R3HDM2: variants seen among roughly 807,000 people sequenced by gnomAD.
R3HDM2 encodes the protein R3H domain containing 2, also known as R3H domain-containing protein 2.
In R3HDM2, 38 loss-of-function variants were observed where a neutral mutation model predicts 124.5. The ratio of observed to expected loss-of-function variants is 0.31; its 90% CI spans 0.24 to 0.40. R3HDM2 has a LOEUF of 0.40. R3HDM2 is among the 10% of genes least tolerant of loss of function. The pLI is 1.00. For synonymous variants in R3HDM2, 391 were observed against 448.0 expected, an observed-to-expected ratio of 0.87 and a Z score of 1.61; for missense variants, 869 against 1,236.9, an observed-to-expected ratio of 0.70 and a Z score of 4.46.
chr12:57,254,251 A>T lies in R3HDM2; in HGVS notation c.*522T>A, dbSNP rs1360901033. ...CACAGTGGCTCACGCCTGTAATCCC[A>T]GCACTCTGGAAGGCCAAGGCAGGTG... On this transcript the variant is annotated 3_prime_UTR_variant, in exon 24 of 24. Coordinates refer to ENST00000402412, the MANE Select transcript of R3HDM2 (RefSeq NM_001394031.1). 2.2e-6 allele frequency: 1 copy of T among 454,464 alleles called. No individual in the cohort carries two copies. The highest frequency in any genetic ancestry group is 1.6e-5 in the South Asian group (1 of 64,334). 28.2% of individuals were successfully genotyped at this position (454,464 alleles called of 1,614,324 possible).
chr12:57,286,088 C>T (rs1422684896), intron 12 of R3HDM2, among the ~76,000 whole-genome samples: 1 of 152,186 alleles, frequency 6.6e-6, no homozygotes, highest in Non-Finnish European at 1.5e-5. Context: ...GGGAATGCTA[C>T]CCAGATTCAA....
intron 1 of R3HDM2, among the ~76,000 whole-genome samples, chr12:57,426,722 A>G (rs368324192): frequency 2.0e-5 from 3 of 152,196 alleles, no homozygotes; most frequent in Admixed American, 6.6e-5. Flanking sequence ...CTGCCCTCAG[A>G]GTATTTTCAT....
chr12:57,338,281 C>T (rs191282665), intron 2 of R3HDM2, among the ~76,000 whole-genome samples: 12 of 152,204 alleles, frequency 7.9e-5, no homozygotes, highest in Admixed American at 7.9e-4. Flanking sequence ...CCAGTCTGGG[C>T]AACAAGAGCA....
chr12:57,322,350 C>G (rs757969719), intron 2 of R3HDM2, among the ~76,000 whole-genome samples: 2 of 152,194 alleles, frequency 1.3e-5, no homozygotes, highest in Non-Finnish European at 2.9e-5. Flanking sequence ...CAAACATCCA[C>G]AGGGGTTAAG....
At chr12:57,313,963 C>A (rs575169261) in intron 2 of R3HDM2, among the ~76,000 whole-genome samples, 2 of 143,534 alleles carry the variant, frequency 1.4e-5, no homozygotes, top group Non-Finnish European at 3.0e-5. Flanking sequence ...CTGAGGTGGG[C>A]GGATCACCTG....
chr12:57,289,297 T>A (rs1555228571), intron 11 of R3HDM2, among the ~76,000 whole-genome samples: 1 of 151,864 alleles, frequency 6.6e-6, no homozygotes, highest in Non-Finnish European at 1.5e-5. Context: ...AAGGCAGGAG[T>A]GTGAAAAGGA....
At chr12:57,340,489 TC>T in intron 2 of R3HDM2, among the ~76,000 whole-genome samples, 1 of 152,312 alleles carries the variant, frequency 6.6e-6, no homozygotes, top group South Asian at 2.1e-4. Flanking sequence ...AGGATTATCT[TC>T]CTTTTTCTCC....
At chr12:57,332,644 C>A (rs189013646) in intron 2 of R3HDM2, among the ~76,000 whole-genome samples, 3 of 152,126 alleles carry the variant, frequency 2.0e-5, no homozygotes, top group African/African-American at 7.2e-5. Context: ...ACTGTGTGAA[C>A]TGAGATTCAA....
intron 1 of R3HDM2, among the ~76,000 whole-genome samples, chr12:57,430,168 T>C (rs538487799): frequency 6.6e-6 from 1 of 152,182 alleles, no homozygotes; most frequent in African/African-American, 2.4e-5. Context: ...GCCACAAATG[T>C]TGAAAAATGT....
chr12:57,307,625 T>TC (rs1252898092), intron 3 of R3HDM2, among the ~76,000 whole-genome samples: 1 of 132,454 alleles, frequency 7.5e-6, no homozygotes, highest in Non-Finnish European at 1.6e-5. Flanking sequence ...CCAGCCATGC[T>TC]CTTTTTTTTT....
intron 14 of R3HDM2, 27 bp from the exon 15 acceptor site, chr12:57,270,021 T>C (rs776854624): frequency 3.7e-6 from 6 of 1,612,610 alleles, no homozygotes; most frequent in Non-Finnish European, 5.1e-6. Context: ...AGACACAGGA[T>C]TGGGGCTGTA....
intron 2 of R3HDM2, among the ~76,000 whole-genome samples, chr12:57,340,380 G>A (rs758718793): frequency 6.6e-6 from 1 of 152,196 alleles, no homozygotes; most frequent in Non-Finnish European, 1.5e-5. Context: ...GCAATATCAA[G>A]ATGCAAGGAT....
intron 11 of R3HDM2, 134 bp downstream of exon 11, chr12:57,292,438 G>T: frequency 1.6e-6 from 1 of 617,696 alleles, no homozygotes. Context: ...ATCAAATCTA[G>T]GGTTGGCTGA....
chr12:57,410,902 G>A (rs752589727), intron 1 of R3HDM2, among the ~76,000 whole-genome samples: 1 of 152,090 alleles, frequency 6.6e-6, no homozygotes, highest in Non-Finnish European at 1.5e-5. Context: ...TGGAGAGACA[G>A]TAGGGAAAAA....
intron 2 of R3HDM2, among the ~76,000 whole-genome samples, chr12:57,390,271 A>C (rs2066465770): frequency 1.3e-5 from 2 of 152,150 alleles, no homozygotes; most frequent in Admixed American, 1.3e-4. Flanking sequence ...ATTCCTTGGG[A>C]GATGGGAAAC....
chr12:57,279,906 A>G (rs1319983069), intron 14 of R3HDM2, among the ~76,000 whole-genome samples: 3 of 152,154 alleles, frequency 2.0e-5, no homozygotes, highest in Middle Eastern at 3.4e-3. Flanking sequence ...AGGGGTCTTG[A>G]GTGTTATTTC....
intron 10 of R3HDM2, among the ~76,000 whole-genome samples, chr12:57,293,919 T>C (rs192171938): frequency 6.6e-6 from 1 of 152,344 alleles, no homozygotes; most frequent in Admixed American, 6.5e-5. Flanking sequence ...CAAGGAGCTA[T>C]ATTGTCCTCA....
At chr12:57,345,498 TATACACACAC>T (rs1566268709) in intron 2 of R3HDM2, among the ~76,000 whole-genome samples, 3 of 90,546 alleles carry the variant, frequency 3.3e-5, no homozygotes, top group Non-Finnish European at 6.3e-5. Context: ...ATATTTCTTT[TATACACACAC>T]ACACACACAC....
At chr12:57,360,006 A>ATATAT (rs2061690333) in intron 2 of R3HDM2, among the ~76,000 whole-genome samples, 61 of 117,672 alleles carry the variant, frequency 5.2e-4, no homozygotes, top group Non-Finnish European at 9.4e-4. Flanking sequence ...TAAATAAATA[A>ATATAT]ATATATATAT....
Sources: allele counts gnomAD v4.1 joint callset (sites outside exome capture counted in the v4.1 genomes callset), GRCh38; gene constraint gnomAD v4.1.1; transcripts MANE v1.5; gene names NCBI Gene and HGNC (gene_info 2026-07-23, HGNC 2026-07-21).